The following POU2F2 variants were observed in gnomAD, a reference collection of about 807,000 sequenced individuals.
POU2F2 encodes the protein POU class 2 homeobox 2.
Under a neutral mutation model 63.5 loss-of-function variants are expected in POU2F2, and 14 were observed. The ratio of observed to expected loss-of-function variants is 0.22; its 90% CI spans 0.15 to 0.34. The LOEUF (loss-of-function observed/expected upper bound fraction) is 0.34, where lower values mean the gene tolerates loss of function less well. Ranked by LOEUF, POU2F2 falls within the 10% of genes least tolerant of loss-of-function variation. The probability of loss-of-function intolerance (pLI) is 1.00; values close to 1 mark genes in which losing one functional copy is unlikely to be tolerated. For synonymous variants in POU2F2, 306 were observed against 348.6 expected (o/e 0.88, Z 1.36); for missense variants, 607 against 815.2 (o/e 0.74, Z 3.11).
upstream of POU2F2, chr19:42,133,405 A>G (rs1428385322): frequency 1.9e-5 from 3 of 153,852 alleles, no homozygotes; most frequent in Non-Finnish European, 4.4e-5. The surrounding 1 kb of genome is among the most constrained non-coding windows in gnomAD (Gnocchi z 5.1). Context: ...ACCGCAGCTC[A>G]GACAAAGGCG....
chr19:42,161,416 C>A (rs747150244), intron 1 of POU2F2, among the ~76,000 whole-genome samples: 3 of 151,998 alleles, frequency 2.0e-5, no homozygotes, highest in Non-Finnish European at 4.4e-5. Flanking sequence ...CTCCTGTGTA[C>A]AAGATGGAGA....
chr19:42,106,366 C>G (rs1225410210), intron 5 of POU2F2, among the ~76,000 whole-genome samples: 1 of 152,164 alleles, frequency 6.6e-6, no homozygotes, highest in Middle Eastern at 3.2e-3. Flanking sequence ...CCACCTCGTC[C>G]TCTCAAAGTG....
Position 42,087,617 on chromosome 19 carries a change from A to C in POU2F2, c.*3640T>G. On this transcript the variant is annotated 3_prime_UTR_variant, in exon 15 of 15. Coordinates refer to ENST00000692977, the MANE Select transcript of POU2F2 (RefSeq NM_001394376.1). ...CAATTTTTTTTTTTTTTTTTTTGGC[A>C]CAATGAAAAGGCCCACCATTAGGGT... 1 of 129,818 alleles carries C rather than the reference A, an allele frequency of 7.7e-6. No individual in the cohort carries two copies. 8.0% of individuals were successfully genotyped at this position (129,818 alleles called of 1,614,324 possible). A position where few individuals can be genotyped will look rare whatever the true frequency, so the allele number is the denominator to read the frequency against.
intron 1 of POU2F2, among the ~76,000 whole-genome samples, chr19:42,193,745 A>C (rs763244098): frequency 5.9e-5 from 9 of 152,258 alleles, no homozygotes; most frequent in Non-Finnish European, 1.2e-4. Flanking sequence ...TATGTCCAGC[A>C]ATTCTATTTC....
At chr19:42,166,965 G>C (rs1389738696) in intron 1 of POU2F2, among the ~76,000 whole-genome samples, 1 of 152,194 alleles carries the variant, frequency 6.6e-6, no homozygotes, top group African/African-American at 2.4e-5. Flanking sequence ...TCCGGCTTCA[G>C]TTCATTTGAC....
intron 2 of POU2F2, among the ~76,000 whole-genome samples, chr19:42,139,499 T>C (rs1308715162): frequency 6.6e-6 from 1 of 152,154 alleles, no homozygotes; most frequent in East Asian, 1.9e-4. Flanking sequence ...TATTTTATTT[T>C]ACTTTATTTG....
At chr19:42,119,623 G>C (rs1391644929) in intron 4 of POU2F2, among the ~76,000 whole-genome samples, 1 of 152,224 alleles carries the variant, frequency 6.6e-6, no homozygotes, top group Non-Finnish European at 1.5e-5. Flanking sequence ...AGTGAGCCAA[G>C]ATGGTGCCAT....
At chr19:42,173,160 G>A (rs2034803882) in intron 1 of POU2F2, among the ~76,000 whole-genome samples, 1 of 152,136 alleles carries the variant, frequency 6.6e-6, no homozygotes, top group Non-Finnish European at 1.5e-5. Context: ...TATTTAGAAG[G>A]AGGAATAGAC....
At chr19:42,171,397 T>C (rs2034762954) in intron 1 of POU2F2, among the ~76,000 whole-genome samples, 1 of 151,838 alleles carries the variant, frequency 6.6e-6, no homozygotes, top group South Asian at 2.1e-4. Flanking sequence ...TATGGTTGTA[T>C]ATATGGGGAG....
intron 1 of POU2F2, among the ~76,000 whole-genome samples, chr19:42,181,289 A>C (rs1381561781): frequency 6.6e-6 from 1 of 152,244 alleles, no homozygotes; most frequent in Non-Finnish European, 1.5e-5. Flanking sequence ...AACACAGCAA[A>C]AACATGTGTG....
At position 42,152,289 on chromosome 19, in the gene POU2F2, C is replaced by T. The variant is rs933931431; in HGVS notation, c.-9+8043G>A. ...GTGACTCTCGGGGAGAGGGCCGCAG[C>T]GAAGAAGAAGAGGGGGAGAATAAGG... On this transcript the variant is annotated intron_variant, in intron 2 of 6. Coordinates refer to the POU2F2 transcript ENST00000524801. The surrounding 1 kb of genome is among the most constrained non-coding windows in gnomAD (Gnocchi z 4.1). Among the ~76,000 whole-genome samples the T allele has an allele frequency of 6.6e-6, 1 of 151,944 alleles. No homozygotes were observed. The highest frequency in any genetic ancestry group is 6.6e-5 in the Admixed American group (1 of 15,256).
intron 5 of POU2F2, among the ~76,000 whole-genome samples, chr19:42,106,047 CT>C (rs1237551229): frequency 4.6e-5 from 6 of 131,054 alleles, no homozygotes; most frequent in Admixed American, 7.7e-5. Context: ...TTCTTTCTTT[CT>C]TTCTTCTTTC....
chr19:42,177,306 T>C (rs2034905075), upstream of POU2F2: 1 of 153,914 alleles, frequency 6.5e-6, no homozygotes, highest in African/African-American at 2.4e-5. Flanking sequence ...GGCGCTGCTC[T>C]GGCCGCTGCT....
intron 5 of POU2F2, among the ~76,000 whole-genome samples, chr19:42,103,664 A>C (rs1182213601): frequency 1.9e-5 from 2 of 104,438 alleles, no homozygotes; most frequent in Admixed American, 1.4e-4. Flanking sequence ...ATGGAGTCTC[A>C]CTCTGTTGCC....
chr19:42,090,305 A>G lies in POU2F2; in HGVS notation c.*952T>C, dbSNP rs2076672983. On this transcript the variant is annotated 3_prime_UTR_variant, in exon 15 of 15. Transcript: ENST00000692977. The surrounding 1 kb of genome is among the most constrained non-coding windows in gnomAD (Gnocchi z 4.4). ...TCTTGCCTGAAATTTCCACCTTCCC[A>G]TAGGCTGGGGAGGGAGTCAGTTCCA... The G allele has an allele frequency of 6.6e-6, 1 of 152,248 alleles. No individual in the cohort carries two copies. Among genetic ancestry groups the G allele is most frequent in the South Asian group, 2.1e-4 (1 of 4,808 alleles). The allele number at this position is 152,248 out of a possible 1,614,324, so 9.4% of individuals were successfully genotyped here. A position where few individuals can be genotyped will look rare whatever the true frequency, so the allele number is the denominator to read the frequency against.
intron 5 of POU2F2, among the ~76,000 whole-genome samples, chr19:42,105,437 A>G (rs151092876): frequency 6.6e-6 from 1 of 152,282 alleles, no homozygotes; most frequent in East Asian, 1.9e-4. Flanking sequence ...AAGTCTTATT[A>G]CCAGCATTTT....
At chr19:42,138,149 C>A (rs1044419786) in intron 2 of POU2F2, among the ~76,000 whole-genome samples, 19 of 152,136 alleles carry the variant, frequency 1.2e-4, no homozygotes, top group African/African-American at 4.3e-4. Context: ...CAGTGAAGAA[C>A]CAGAGGATGG....
upstream of POU2F2, among the ~76,000 whole-genome samples, chr19:42,196,781 G>C (rs933330536): frequency 6.6e-6 from 1 of 152,272 alleles, no homozygotes; most frequent in African/African-American, 2.4e-5. Context: ...CTGGAGGCGC[G>C]AGCCTCTGCC....
chr19:42,189,662 C>T (rs1184569236), intron 1 of POU2F2, among the ~76,000 whole-genome samples: 1 of 152,088 alleles, frequency 6.6e-6, no homozygotes, highest in Non-Finnish European at 1.5e-5. Context: ...ATGAGGAGGA[C>T]AATGAAGGAC....
Sources: gnomAD v4.1 joint callset for allele counts (sites outside exome capture counted in the v4.1 genomes callset) on GRCh38, gnomAD v4.1.1 for gene constraint, Gnocchi (gnomAD v3.1) non-coding constraint, MANE v1.5 for transcripts, NCBI Gene and HGNC (gene_info 2026-07-23, HGNC 2026-07-21) for gene names.